Variants in CPNE1 observed in about 807,000 individuals in gnomAD.
The protein encoded by CPNE1 is copine 1.
CPNE1 carries 58 observed loss-of-function variants against 63.2 expected under a neutral mutation model. The observed-to-expected ratio is 0.92, with a 90% CI of 0.74 to 1.14. CPNE1 has a LOEUF of 1.14. Ranked by LOEUF, CPNE1 falls within the 50% of genes most tolerant of loss-of-function variation. The probability of loss-of-function intolerance (pLI) is 0.00; values close to 1 mark genes in which losing one functional copy is unlikely to be tolerated. For synonymous variants in CPNE1, 237 were observed against 249.0 expected (o/e 0.95, Z 0.45); for missense variants, 672 against 661.7 (o/e 1.02, Z -0.17).
intron 1 of CPNE1, among the ~76,000 whole-genome samples, chr20:35,635,486 G>T (rs2032435446): frequency 6.6e-6 from 1 of 152,058 alleles, no homozygotes; most frequent in African/African-American, 2.4e-5. Context: ...GCAGCACCAA[G>T]CTTCTCTGAT....
At position 35,652,733 on chromosome 20, in the gene CPNE1, G is replaced by A. The variant is rs1398717105; in HGVS notation, c.-1+12027C>T. The A allele has an allele frequency of 1.2e-6, 2 of 1,613,744 alleles. No individual in the cohort carries two copies. The highest frequency in any genetic ancestry group is 1.7e-6 in the Non-Finnish European group (2 of 1,179,876). On this transcript the variant is annotated intron_variant, in intron 1 of 15. Transcript: ENST00000397443. ...ATCTCATCAATAGACACAGTAAAGG[G>A]CATGTTTTGCACTTTAATTACTGTC...
chr20:35,648,902 T>C (rs1271449454), intron 1 of CPNE1: 1 of 152,674 alleles, frequency 6.5e-6, no homozygotes, highest in Non-Finnish European at 1.5e-5. Flanking sequence ...AAGATAATAT[T>C]ATAGCTCAGT....
At chr20:35,655,486 C>T (rs1241450253) in intron 1 of CPNE1, 8 of 725,968 alleles carry the variant, frequency 1.1e-5, no homozygotes, top group Admixed American at 3.3e-5. Context: ...TTTAGATATT[C>T]TAAAAACTGA....
chr20:35,627,616 A>G, intron 13 of CPNE1: 4 of 481,924 alleles, frequency 8.3e-6, no homozygotes, highest in East Asian at 3.4e-5. Context: ...CCTAAATCAC[A>G]GCTTGAATTA....
rs2032142252 is a variant in CPNE1, at chr20:35,631,568, G to A, written c.638C>T (p.Ser213Phe). 2 of 1,613,988 alleles carry A rather than the reference G, an allele frequency of 1.2e-6. No homozygotes were observed. Among genetic ancestry groups the A allele is most frequent in the Non-Finnish European group, 1.7e-6 (2 of 1,179,938 alleles). The change falls in exon 8 of 16, where the codon TCC becomes TTC. Residue 213 changes from serine to phenylalanine, a missense_variant. Transcript: ENST00000397443. ...NPSTPIQVQC[S>F]DYDSDGSHDL... ...ATGTGACCCGTCACTGTCATAATCG[G>A]AGCATTGCACCTGAGGGAAAGGTGT...
chr20:35,644,730 G>C (rs994018797), intron 1 of CPNE1, among the ~76,000 whole-genome samples: 1 of 152,168 alleles, frequency 6.6e-6, no homozygotes, highest in East Asian at 1.9e-4. Flanking sequence ...TACAACAGCA[G>C]TGAGACTCAC....
chr20:35,637,449 C>T (rs148165565), intron 1 of CPNE1, among the ~76,000 whole-genome samples: 2 of 152,156 alleles, frequency 1.3e-5, no homozygotes, highest in East Asian at 1.9e-4. Flanking sequence ...TACCTCCTGC[C>T]GCTCACTCAC....
At chr20:35,649,128 A>G (rs1390402890) in intron 1 of CPNE1, 2 of 152,514 alleles carry the variant, frequency 1.3e-5, no homozygotes, top group East Asian at 3.8e-4. Flanking sequence ...AACTGCCAGT[A>G]AAACAATTTA....
At chr20:35,658,034 G>A (rs999865429) in intron 1 of CPNE1, among the ~76,000 whole-genome samples, 2 of 151,790 alleles carry the variant, frequency 1.3e-5, no homozygotes, top group African/African-American at 2.4e-5. Context: ...CAACAAGAGC[G>A]AAACTCTGTC....
intron 1 of CPNE1, among the ~76,000 whole-genome samples, chr20:35,648,544 T>C (rs73104739): frequency 1.7e-4 from 26 of 152,346 alleles, no homozygotes; most frequent in Admixed American, 3.3e-4. Flanking sequence ...ATCCCGATTA[T>C]TTAATAATGG....
chr20:35,630,469 T>G lies in CPNE1; in HGVS notation c.1072A>C (p.Asn358His). The G allele has an allele frequency of 1.2e-6, 2 of 1,614,110 alleles. No homozygotes were observed. The highest frequency in any genetic ancestry group is 2.7e-5 in the African/African-American group (2 of 75,010). Residue 358 changes from asparagine (N) to histidine (H), a missense_variant, in exon 13 of 16, where the codon AAT (asparagine) becomes CAT (histidine). Coordinates refer to ENST00000397443, the MANE Select transcript of CPNE1 (RefSeq NM_152925.3). ...DWQVSHEFAL[N>H]FNPSNPYCAG... is the part of the protein sequence containing the mutation. ...CAGTAGGGGTTACTGGGGTTGAAAT[T>G]CAAGGCAAATTCATGCGAGACCTGG...
At chr20:35,633,131 A>T (rs1331704828) in intron 1 of CPNE1, among the ~76,000 whole-genome samples, 1 of 152,144 alleles carries the variant, frequency 6.6e-6, no homozygotes, top group African/African-American at 2.4e-5. Flanking sequence ...TGGCAGATAC[A>T]ACCAACCCTG....
At chr20:35,639,319 CA>C (rs1305158716) in intron 1 of CPNE1, among the ~76,000 whole-genome samples, 1 of 151,940 alleles carries the variant, frequency 6.6e-6, no homozygotes, top group Non-Finnish European at 1.5e-5. Flanking sequence ...TGAAAATTTT[CA>C]TAATAAAATG....
At chr20:35,654,800 C>T in intron 1 of CPNE1, 1 of 1,614,186 alleles carries the variant, frequency 6.2e-7, no homozygotes, top group Non-Finnish European at 8.5e-7. Flanking sequence ...GTGCTTGGAA[C>T]AGTTGAGCTA....
chr20:35,638,022 C>T (rs927366324), intron 1 of CPNE1, among the ~76,000 whole-genome samples: 1 of 152,188 alleles, frequency 6.6e-6, no homozygotes, highest in Non-Finnish European at 1.5e-5. Context: ...AGATACTCAT[C>T]AGTAAGTATT....
intron 12 of CPNE1, 36 bp from the exon 13 acceptor site, chr20:35,630,526 T>C: frequency 6.2e-7 from 1 of 1,608,492 alleles, no homozygotes; most frequent in Non-Finnish European, 8.5e-7. Flanking sequence ...TCTTTCCCCA[T>C]GACCTCTGCT....
intron 1 of CPNE1, among the ~76,000 whole-genome samples, chr20:35,635,731 G>A (rs903790216): frequency 6.6e-6 from 1 of 152,172 alleles, no homozygotes; most frequent in Admixed American, 6.5e-5. Flanking sequence ...ACCCTGAGAT[G>A]CCTCCAGCGT....
intron 1 of CPNE1, chr20:35,653,972 T>TA: frequency 1.2e-6 from 2 of 1,614,172 alleles, no homozygotes; most frequent in Non-Finnish European, 1.7e-6. Flanking sequence ...TCCAGCTTTT[T>TA]AAAAAAATCA....
Position 35,631,796 on chromosome 20 carries a change from GC to G in CPNE1, c.538-20del. 1 of 1,606,286 alleles carries G rather than the reference GC, an allele frequency of 6.2e-7. No individual in the cohort carries two copies. Among genetic ancestry groups the G allele is most frequent in the South Asian group, 1.1e-5 (1 of 90,898 alleles). On this transcript the variant is annotated intron_variant, in intron 6 of 15. Transcript: ENST00000397443. ...TGATGACCTGAAGGTGGAGGCCAAG[GC>G]CTCCAGTGAGCTCTGGCATGGCCCC... is the stretch of plus-strand genomic sequence containing the variant.
Sources: allele counts gnomAD v4.1 joint callset (sites outside exome capture counted in the v4.1 genomes callset), GRCh38; gene constraint gnomAD v4.1.1; transcripts MANE v1.5; gene names NCBI Gene and HGNC (gene_info 2026-07-23, HGNC 2026-07-21).